NPAS4: variants seen among roughly 807,000 people sequenced by gnomAD.
NPAS4 encodes the protein neuronal PAS domain protein 4.
A neutral mutation model predicts 64.0 loss-of-function variants in NPAS4; 10 were observed. The observed-to-expected ratio is 0.16, with a 90% CI of 0.10 to 0.26. NPAS4 has a LOEUF of 0.26. Among genes scored for constraint, NPAS4 ranks in the 10% least tolerant of loss-of-function variants. NPAS4 has a pLI of 1.00. For missense variants in NPAS4, 886 were observed against 992.6 expected, an observed-to-expected ratio of 0.89 and a Z score of 1.44; for synonymous variants, 441 against 411.7, an observed-to-expected ratio of 1.07 and a Z score of -0.86.
chr11:66,417,867 G>C (rs1386652500), upstream of NPAS4, among the ~76,000 whole-genome samples: 1 of 152,042 alleles, frequency 6.6e-6, no homozygotes. Flanking sequence ...ATATACAGGG[G>C]TACAGACTCG....
At chr11:66,417,141 C>A (rs188011636), upstream of NPAS4, 6 of 152,210 alleles carry the variant, frequency 3.9e-5, no homozygotes, top group African/African-American at 1.2e-4. Flanking sequence ...GATGCCATCA[C>A]CTCTTCTCGG....
chr11:66,417,764 T>C (rs770553169), upstream of NPAS4, among the ~76,000 whole-genome samples: 67 of 151,222 alleles, frequency 4.4e-4, no homozygotes, highest in Non-Finnish European at 6.2e-4. Context: ...TAGACATAAA[T>C]ACACACAGGC....
At position 66,422,790 on chromosome 11, in the gene NPAS4, G is replaced by A. The variant is rs1304252042; in HGVS notation, c.547G>A (p.Ala183Thr). Residue 183 changes from alanine to threonine, a missense_variant, in exon 4 of 8, where the codon GCA (alanine) becomes ACA (threonine). Coordinates refer to ENST00000311034, the MANE Select transcript of NPAS4 (RefSeq NM_178864.4). ...TGCTCACCCACCTGGAGCCTACTGG[G>A]CAGGAAATCCCGTGTTCACAGCTTT... is the stretch of plus-strand genomic sequence containing the variant. ...FHAHPPGAYW[A>T]GNPVFTAFCA... The A allele has an allele frequency of 6.2e-7, 1 of 1,614,196 alleles. No homozygotes were observed. Among genetic ancestry groups the A allele is most frequent in the Non-Finnish European group, 8.5e-7 (1 of 1,180,052 alleles).
chr11:66,409,467 G>A, the NPAS4 span: 2 of 152,046 alleles, frequency 1.3e-5, no homozygotes, highest in Non-Finnish European at 2.9e-5. Context: ...CACCAGGTGA[G>A]GACTTCACTA....
At chr11:66,422,419 C>T in intron 2 of NPAS4, 32 bp from the exon 3 acceptor site, 1 of 1,542,528 alleles carries the variant, frequency 6.5e-7, no homozygotes, top group Non-Finnish European at 9.0e-7. Flanking sequence ...GCTGTTCTCC[C>T]TAATGGTCAT....
Position 66,423,485 on chromosome 11 carries a change from G to C in NPAS4, c.809-93G>C, listed in dbSNP as rs563288989. The C allele has an allele frequency of 1.8e-5, 26 of 1,463,882 alleles. No homozygotes were observed. In the South Asian group the frequency reaches 3.1e-4, roughly 18 times the overall value. 90.7% of individuals were successfully genotyped at this position (1,463,882 alleles called of 1,614,324 possible). Reference sequence around the variant, plus strand: ...GGGTAGTCAGAAGAGAGGATGTCACGGCTATCTCAATTCAGTGGAGAGGTG... The same window carrying C: ...GGGTAGTCAGAAGAGAGGATGTCACCGCTATCTCAATTCAGTGGAGAGGTG... On this transcript the variant is annotated intron_variant, in intron 5 of 7. Transcript: ENST00000311034.
At chr11:66,411,784 T>C in the NPAS4 span, among the ~76,000 whole-genome samples, 1 of 152,202 alleles carries the variant, frequency 6.6e-6, no homozygotes, top group Admixed American at 6.5e-5. Context: ...CGTGGGGGTC[T>C]CCTCTTTGTT....
chr11:66,419,414 G>C, upstream of NPAS4, among the ~76,000 whole-genome samples: 1 of 152,070 alleles, frequency 6.6e-6, no homozygotes. Context: ...GGAGCGGAGA[G>C]TTCCCTGGCC....
At chr11:66,411,292 T>C in the NPAS4 span, among the ~76,000 whole-genome samples, 1 of 152,144 alleles carries the variant, frequency 6.6e-6, no homozygotes, top group Non-Finnish European at 1.5e-5. Context: ...TGCCAGAGGT[T>C]GGGAGGGCCC....
the NPAS4 span, among the ~76,000 whole-genome samples, chr11:66,412,257 G>A: frequency 3.5e-4 from 53 of 152,244 alleles, 1 homozygote; most frequent in Non-Finnish European, 1.0e-4. Context: ...TGTTGGGCCC[G>A]GCCCGGGACC....
At position 66,424,818 on chromosome 11, in the gene NPAS4, C is replaced by T. The variant is rs761616189; in HGVS notation, c.1928C>T (p.Ala643Val). The part of the protein sequence containing the change: ...DRLIQQISQL[A>V]QGMDRPFSAE... ...CTCATCCAGCAGATTAGCCAATTGG[C>T]TCAGGGCATGGACAGACCCTTCTCA... Residue 643 changes from alanine (A) to valine (V), a missense_variant, in exon 7 of 8, where the codon GCT (alanine) becomes GTT (valine). Around this residue, in one of 3 missense-constraint regions of NPAS4, gnomAD observed 820 missense variants for 855.5 expected, o/e 0.96. Coordinates refer to ENST00000311034, the MANE Select transcript of NPAS4 (RefSeq NM_178864.4). 3 of 1,613,836 alleles carry T rather than the reference C, an allele frequency of 1.9e-6. No homozygotes were observed. The African/African-American group carries it at 4.0e-5, about 22-fold the overall frequency.
At chr11:66,416,725 C>CA (rs1305855914), upstream of NPAS4, 1 of 152,262 alleles carries the variant, frequency 6.6e-6, no homozygotes, top group African/African-American at 2.4e-5. Flanking sequence ...TTCAGTGATT[C>CA]ATTCATTCAT....
chr11:66,411,041 A>C, the NPAS4 span: 1 of 152,474 alleles, frequency 6.6e-6, no homozygotes, highest in South Asian at 2.1e-4. Flanking sequence ...TGGAAGAAGC[A>C]AAACTACAGG....
upstream of NPAS4, among the ~76,000 whole-genome samples, chr11:66,419,136 A>C (rs2134638090): frequency 6.6e-6 from 1 of 152,292 alleles, no homozygotes; most frequent in East Asian, 1.9e-4. Flanking sequence ...CAGATTGAGA[A>C]GAAAGAAGCA....
upstream of NPAS4, chr11:66,421,001 G>A: frequency 1.7e-6 from 1 of 580,464 alleles, no homozygotes; most frequent in Non-Finnish European, 3.0e-6. Context: ...ACGCCTGGCA[G>A]GAGCTATATA....
chr11:66,420,902 GC>G (rs1856730684), upstream of NPAS4: 2 of 397,550 alleles, frequency 5.0e-6, no homozygotes, highest in South Asian at 3.9e-5. Context: ...GGGAGGAGGA[GC>G]CCCCCTCCCC....
chr11:66,411,213 G>A, the NPAS4 span, among the ~76,000 whole-genome samples: 1 of 152,328 alleles, frequency 6.6e-6, no homozygotes, highest in African/African-American at 2.4e-5. Flanking sequence ...GCTTGGGGTT[G>A]CAGCATTCAA....
At chr11:66,422,388 G>C in intron 2 of NPAS4, 63 bp from the exon 3 acceptor site, 1 of 1,478,856 alleles carries the variant, frequency 6.8e-7, no homozygotes, top group Non-Finnish European at 9.5e-7. Context: ...ACAAGATACT[G>C]TAGATCAAAG....
upstream of NPAS4, among the ~76,000 whole-genome samples, chr11:66,416,140 T>C (rs1856666613): frequency 6.6e-6 from 1 of 152,186 alleles, no homozygotes; most frequent in Admixed American, 6.5e-5. Context: ...GTCGTGAGAA[T>C]GTGTCTAACA....
Sources: allele counts gnomAD v4.1 joint callset (sites outside exome capture counted in the v4.1 genomes callset), GRCh38; gene constraint gnomAD v4.1.1; regional missense constraint gnomAD v4.1.1; transcripts MANE v1.5; gene names NCBI Gene and HGNC (gene_info 2026-07-23, HGNC 2026-07-21).